The following VPS35 variants were observed in gnomAD, a reference collection of about 807,000 sequenced individuals.
VPS35 encodes VPS35 retromer complex component.
A neutral mutation model predicts 98.1 loss-of-function variants in VPS35; 21 were observed. That is an observed-to-expected ratio of 0.21 (90% CI 0.15 to 0.31). The LOEUF (loss-of-function observed/expected upper bound fraction) is 0.31. Ranked by LOEUF, VPS35 falls within the 10% of genes least tolerant of loss-of-function variation. The pLI is 1.00. For synonymous variants in VPS35, 268 were observed against 318.2 expected (o/e 0.84, Z 1.68); for missense variants, 554 against 950.8 (o/e 0.58, Z 5.49).
At chr16:46,680,396 CA>C (rs1264357766) in intron 5 of VPS35, among the ~76,000 whole-genome samples, 3 of 151,952 alleles carry the variant, frequency 2.0e-5, no homozygotes, top group Non-Finnish European at 4.4e-5. Flanking sequence ...GTTTTATTTT[CA>C]AAGAAGATTT....
intron 13 of VPS35, among the ~76,000 whole-genome samples, chr16:46,664,306 G>A (rs542811547): frequency 5.9e-5 from 9 of 151,958 alleles, no homozygotes; most frequent in South Asian, 4.2e-4. Flanking sequence ...TTACAAGCGC[G>A]CCACCACGCC....
rs80303950 is a variant in VPS35, at chr16:46,660,599, G to A, written c.2264C>T (p.Pro755Leu). The change falls in exon 17 of 17, where the codon CCG becomes CTG. Residue 755 changes from proline to leucine, a missense_variant. This residue lies in a region of VPS35 where 153 missense variants were observed against 211.0 expected (regional missense o/e 0.73). Coordinates refer to ENST00000299138, the MANE Select transcript of VPS35 (RefSeq NM_018206.6). ...TGTTTCTTCACTGGATTCAAGATTC[G>A]GGAGGTCTTCTCGAATCTTTTGGAT... is the stretch of plus-strand genomic sequence containing the variant. ...QLIQKIREDL[P>L]NLESSEETEQ... The A allele has an allele frequency of 8.7e-6, 14 of 1,613,906 alleles. No homozygotes were observed. The highest frequency in any genetic ancestry group is 6.6e-5 in the South Asian group (6 of 91,080).
At chr16:46,677,643 CT>C in intron 6 of VPS35, 1 of 470,644 alleles carries the variant, frequency 2.1e-6, no homozygotes, top group Non-Finnish European at 3.9e-6. Context: ...TCAAGTCATC[CT>C]CCCACCTCAA....
chr16:46,662,955 T>C (rs759127576), intron 14 of VPS35, 28 bp downstream of exon 14: 1 of 1,614,076 alleles, frequency 6.2e-7, no homozygotes, highest in South Asian at 1.1e-5. Context: ...AGAGCTGACA[T>C]GACAACGCAG....
At chr16:46,682,958 C>T (rs1247654913) in intron 2 of VPS35, 1 of 157,674 alleles carries the variant, frequency 6.3e-6, no homozygotes, top group African/African-American at 2.4e-5. Context: ...CAGATTATCT[C>T]TTACTTTATC....
At position 46,661,978 on chromosome 16, in the gene VPS35, A is replaced by G; in HGVS notation, c.2068-117T>C. 2 of 1,437,102 alleles carry G rather than the reference A, an allele frequency of 1.4e-6. No individual in the cohort carries two copies. Among genetic ancestry groups the G allele is most frequent in the Non-Finnish European group, 1.9e-6 (2 of 1,042,006 alleles). 89.0% of individuals were successfully genotyped at this position (1,437,102 alleles called of 1,614,324 possible). A position where few individuals can be genotyped will look rare whatever the true frequency, so the allele number is the denominator to read the frequency against. On this transcript the variant is annotated intron_variant, in intron 15 of 16. Transcript: ENST00000299138. The surrounding 1 kb of genome is among the most constrained non-coding windows in gnomAD (Gnocchi z 4.3). ...TTTTAAAGGGACATAACAAATTTAA[A>G]TCCTTTTCATTCTCCTTCTTCTTGT...
chr16:46,672,120 C>T (rs1325482164), intron 11 of VPS35, 145 bp downstream of exon 11: 27 of 781,108 alleles, frequency 3.5e-5, no homozygotes, highest in Admixed American at 1.3e-4. Context: ...TTATACATCT[C>T]CAATTTTTAA....
chr16:46,673,249 G>A (rs572617953), intron 10 of VPS35, among the ~76,000 whole-genome samples: 50 of 152,144 alleles, frequency 3.3e-4, no homozygotes, highest in Non-Finnish European at 4.4e-5. Context: ...GGGATTACAG[G>A]TGCAAGCCAC....
At chr16:46,673,570 T>A (rs1377248199) in intron 10 of VPS35, 1 of 152,438 alleles carries the variant, frequency 6.6e-6, no homozygotes, top group African/African-American at 2.4e-5. Context: ...TAGCTGCCCA[T>A]AGTGGCCACT....
intron 12 of VPS35, among the ~76,000 whole-genome samples, chr16:46,671,232 TG>T (rs1301088346): frequency 6.6e-6 from 1 of 152,134 alleles, no homozygotes; most frequent in Admixed American, 6.6e-5. Flanking sequence ...CTTGCAAATT[TG>T]GAAAAGTAAA....
intron 12 of VPS35, among the ~76,000 whole-genome samples, chr16:46,670,851 G>C (rs1342450114): frequency 6.6e-6 from 1 of 152,146 alleles, no homozygotes; most frequent in Non-Finnish European, 1.5e-5. Flanking sequence ...CTACAATGAA[G>C]AAAGTCAACA....
chr16:46,671,138 G>C (rs1377492851), intron 12 of VPS35, among the ~76,000 whole-genome samples: 1 of 151,162 alleles, frequency 6.6e-6, no homozygotes, highest in Non-Finnish European at 1.5e-5. Flanking sequence ...AAAAAAAAAA[G>C]TTAAGAAAAA....
In VPS35 at chr16:46,689,111, AC is replaced by A; in HGVS notation, c.3+19del. 1 of 1,607,868 alleles carries A rather than the reference AC, an allele frequency of 6.2e-7. No individual in the cohort carries two copies. The highest frequency in any genetic ancestry group is 1.1e-5 in the South Asian group (1 of 89,744). On this transcript the variant is annotated intron_variant, in intron 1 of 16. Transcript: ENST00000299138. ...TACAAGGAGGGTCGACCCAGGTGCCACTGCCCCCTCAGCACTCACCATGGCG... is the reference window on the plus strand; with the variant it reads ...TACAAGGAGGGTCGACCCAGGTGCCATGCCCCCTCAGCACTCACCATGGCG...
chr16:46,661,547 T>G lies in VPS35; in HGVS notation c.2211+171A>C. ...GCCCAGCCTAGGAATTATCTTAAAC[T>G]AGAACATTATGACAAATTAGCCTAT... is the stretch of plus-strand genomic sequence containing the variant. On this transcript the variant is annotated intron_variant, in intron 16 of 16. Transcript: ENST00000299138. This position sits in a 1 kb window ranked among gnomAD's most constrained non-coding sequence, Gnocchi z 4.3. The G allele has an allele frequency of 1.4e-6, 1 of 706,310 alleles. No individual in the cohort carries two copies. The highest frequency in any genetic ancestry group is 2.3e-6 in the Non-Finnish European group (1 of 441,106). 43.8% of individuals were successfully genotyped at this position (706,310 alleles called of 1,614,324 possible). A position where few individuals can be genotyped will look rare whatever the true frequency, so the allele number is the denominator to read the frequency against.
chr16:46,684,114 G>A (rs1190793210), intron 1 of VPS35, among the ~76,000 whole-genome samples: 1 of 152,190 alleles, frequency 6.6e-6, no homozygotes, highest in Non-Finnish European at 1.5e-5. Context: ...AGAATAGTAT[G>A]TGTACAAAGA....
At position 46,661,998 on chromosome 16, in the gene VPS35, TC is replaced by T; in HGVS notation, c.2068-138del. 1 of 1,384,800 alleles carries T rather than the reference TC, an allele frequency of 7.2e-7. No homozygotes were observed. Among genetic ancestry groups the T allele is most frequent in the Non-Finnish European group, 9.9e-7 (1 of 1,005,810 alleles). 85.8% of individuals were successfully genotyped at this position (1,384,800 alleles called of 1,614,324 possible). Reference sequence around the variant, plus strand: ...TTTAAATCCTTTTCATTCTCCTTCTTCTTGTTTTGAAGTATACAGCTGTATT... The same window carrying T: ...TTTAAATCCTTTTCATTCTCCTTCTTTTGTTTTGAAGTATACAGCTGTATT... On this transcript the variant is annotated intron_variant, in intron 15 of 16. Transcript: ENST00000299138. This position sits in a 1 kb window ranked among gnomAD's most constrained non-coding sequence, Gnocchi z 4.3.
At chr16:46,687,942 A>G (rs1966347512) in intron 1 of VPS35, among the ~76,000 whole-genome samples, 1 of 152,238 alleles carries the variant, frequency 6.6e-6, no homozygotes, top group South Asian at 2.1e-4. Context: ...AGTGTGTAAT[A>G]CATCCTCAAT....
chr16:46,662,175 A>G, intron 15 of VPS35, 68 bp downstream of exon 15: 1 of 1,612,412 alleles, frequency 6.2e-7, no homozygotes, highest in Non-Finnish European at 8.5e-7. Flanking sequence ...CCTCCAGAAC[A>G]CAAGGCCATG....
rs1462291302 is a variant in VPS35 at position 46,660,294 on chromosome 16, AATTTT to A, written c.*173_*177del. ...AGACTTGAACACTTACCAAGTGAAT[AATTTT>A]ATTAAGGTCCTGAAGGTGAGTGTCC... On this transcript the variant is annotated 3_prime_UTR_variant, in exon 17 of 17. Transcript: ENST00000299138. 1 of 627,398 alleles carries A rather than the reference AATTTT, an allele frequency of 1.6e-6. No homozygotes were observed. The highest frequency in any genetic ancestry group is 1.9e-5 in the African/African-American group (1 of 53,838). 38.9% of individuals were successfully genotyped at this position (627,398 alleles called of 1,614,324 possible).
Sources: allele counts gnomAD v4.1 joint callset (sites outside exome capture counted in the v4.1 genomes callset), GRCh38; gene constraint gnomAD v4.1.1; regional missense constraint gnomAD v4.1.1; non-coding constraint Gnocchi (gnomAD v3.1); transcripts MANE v1.5; gene names NCBI Gene and HGNC (gene_info 2026-07-23, HGNC 2026-07-21).